CERS3: variants seen among roughly 807,000 people sequenced by gnomAD.
CERS3 encodes the protein ceramide synthase 3.
Under a neutral mutation model 50.3 loss-of-function variants are expected in CERS3, and 33 were observed. That is an observed-to-expected ratio of 0.66 (90% CI 0.50 to 0.88). The LOEUF is 0.88. Ranked by LOEUF, CERS3 falls within the 40% of genes least tolerant of loss-of-function variation. The pLI is 0.00. For synonymous variants in CERS3, 176 were observed against 155.2 expected (o/e 1.13, Z -0.99); for missense variants, 470 against 460.3 (o/e 1.02, Z -0.19).
In CERS3 at chr15:100,473,003, C is replaced by G. The variant is rs2035016929; in HGVS notation, c.659G>C (p.Ser220Thr). Residue 220 changes from serine (S) to threonine (T), a missense_variant, in exon 9 of 12, where the codon AGC becomes ACC. Coordinates refer to ENST00000679737, the MANE Select transcript of CERS3 (RefSeq NM_001378789.1). Reference sequence around the variant, plus strand: ...AATATAATTAGCACACCAAGAGAAGCTCATCAGACTAATAGCAGCCAGGTG... The same window carrying G: ...AATATAATTAGCACACCAAGAGAAGGTCATCAGACTAATAGCAGCCAGGTG... ...IHHLAAISLM[S>T]FSWCANYIRS... 6.2e-7 allele frequency: 1 copy of G among 1,613,874 alleles called. No homozygotes were observed. The highest frequency in any genetic ancestry group is 8.5e-7 in the Non-Finnish European group (1 of 1,179,906).
chr15:100,417,717 C>A (rs542362418), intron 11 of CERS3, among the ~76,000 whole-genome samples: 2 of 151,920 alleles, frequency 1.3e-5, no homozygotes, highest in Non-Finnish European at 2.9e-5. Context: ...GTTCTCCCAG[C>A]ACGCAGCTGG....
intron 10 of CERS3, 68 bp from the exon 11 acceptor site, chr15:100,456,114 C>G (rs557302180): frequency 1.1e-5 from 14 of 1,264,942 alleles, no homozygotes; most frequent in African/African-American, 1.5e-5. Flanking sequence ...AATAATAAAA[C>G]AAATAGTTTT....
intron 11 of CERS3, among the ~76,000 whole-genome samples, chr15:100,445,957 T>C (rs2033917878): frequency 6.6e-6 from 1 of 152,166 alleles, no homozygotes; most frequent in Non-Finnish European, 1.5e-5. Context: ...CTTGTGAAAT[T>C]CCTTCTCCTG....
At chr15:100,430,088 G>A (rs1228125767) in intron 11 of CERS3, among the ~76,000 whole-genome samples, 9 of 152,046 alleles carry the variant, frequency 5.9e-5, no homozygotes, top group East Asian at 5.8e-4. Flanking sequence ...AGAGGTGGGC[G>A]GATCACGAGG....
intron 11 of CERS3, among the ~76,000 whole-genome samples, chr15:100,416,906 G>A (rs886778365): frequency 1.3e-5 from 2 of 152,066 alleles, no homozygotes; most frequent in Admixed American, 6.6e-5. Context: ...ATTAAAAAAC[G>A]GGCAAAAGAC....
intron 11 of CERS3, among the ~76,000 whole-genome samples, chr15:100,415,083 T>C (rs887537956): frequency 2.6e-5 from 4 of 151,790 alleles, no homozygotes; most frequent in Non-Finnish European, 5.9e-5. Context: ...TTAAACAAAT[T>C]TACAAGAAAA....
At chr15:100,451,687 A>T (rs767557625) in intron 11 of CERS3, among the ~76,000 whole-genome samples, 1 of 151,348 alleles carries the variant, frequency 6.6e-6, no homozygotes, top group Non-Finnish European at 1.5e-5. Flanking sequence ...AGCCCGGGTG[A>T]CAGAGCAAGA....
At chr15:100,500,884 C>T (rs2035977366) in intron 3 of CERS3, among the ~76,000 whole-genome samples, 1 of 152,114 alleles carries the variant, frequency 6.6e-6, no homozygotes, top group African/African-American at 2.4e-5. Context: ...TAGTCTTGGA[C>T]AAAATGATCT....
chr15:100,442,772 C>T (rs1035885631), intron 11 of CERS3, among the ~76,000 whole-genome samples: 3 of 152,246 alleles, frequency 2.0e-5, no homozygotes, highest in Non-Finnish European at 1.5e-5. Context: ...CTGACACTGC[C>T]CGATCACCTC....
intron 11 of CERS3, among the ~76,000 whole-genome samples, chr15:100,455,097 T>C (rs1176728482): frequency 6.6e-6 from 1 of 152,130 alleles, no homozygotes; most frequent in African/African-American, 2.4e-5. Context: ...TGAAAGACAC[T>C]GGTGAGAATG....
At chr15:100,532,016 C>A (rs988031289), upstream of CERS3, among the ~76,000 whole-genome samples, 2 of 151,990 alleles carry the variant, frequency 1.3e-5, no homozygotes, top group South Asian at 2.1e-4. Flanking sequence ...GAAGTGTAGA[C>A]CAGAGACAAA....
At chr15:100,435,366 C>G (rs1166216345) in intron 11 of CERS3, among the ~76,000 whole-genome samples, 1 of 152,134 alleles carries the variant, frequency 6.6e-6, no homozygotes, top group East Asian at 1.9e-4. Context: ...TTTGAGGAAA[C>G]AGGGAGTACC....
intron 3 of CERS3, among the ~76,000 whole-genome samples, chr15:100,498,394 G>A (rs2035897454): frequency 6.6e-6 from 1 of 152,124 alleles, no homozygotes; most frequent in African/African-American, 2.4e-5. Flanking sequence ...TTGAACTGAA[G>A]AGATAAGGGA....
At chr15:100,494,237 A>G (rs1567660522) in intron 3 of CERS3, among the ~76,000 whole-genome samples, 2 of 102,846 alleles carry the variant, frequency 1.9e-5, no homozygotes, top group South Asian at 3.3e-4. Flanking sequence ...ATATATATAT[A>G]TATATATATA....
chr15:100,475,957 A>G (rs2035114758), intron 8 of CERS3, 129 bp downstream of exon 8: 1 of 508,124 alleles, frequency 2.0e-6, no homozygotes, highest in Admixed American at 4.3e-5. Flanking sequence ...TATGTACTAT[A>G]AAGCACACAA....
intron 11 of CERS3, among the ~76,000 whole-genome samples, chr15:100,416,556 G>A (rs1418969499): frequency 6.6e-6 from 1 of 152,168 alleles, no homozygotes; most frequent in African/African-American, 2.4e-5. Context: ...ACATGGCTGG[G>A]GAGGCCTCAG....
intron 3 of CERS3, among the ~76,000 whole-genome samples, chr15:100,491,206 A>G (rs2035641375): frequency 6.6e-6 from 1 of 152,210 alleles, no homozygotes; most frequent in African/African-American, 2.4e-5. Flanking sequence ...AATTAGAATA[A>G]GCTGTTCTAC....
At chr15:100,407,628 C>T (rs1440808851) in intron 11 of CERS3, among the ~76,000 whole-genome samples, 1 of 151,982 alleles carries the variant, frequency 6.6e-6, no homozygotes, top group African/African-American at 2.4e-5. Context: ...ACAGTTTGCC[C>T]TCCATATCTG....
rs761591750 is a variant in CERS3, at chr15:100,469,400, G to A, written c.823C>T (p.Arg275Cys). The A allele has an allele frequency of 2.0e-5, 33 of 1,613,650 alleles. No individual in the cohort carries two copies. The highest frequency in any genetic ancestry group is 4.0e-5 in the African/African-American group (3 of 74,866). ...FIFSTIFFIS[R>C]LIVFPFWILY... ...CACCAGAAAGGAAAAACAATGAGGCGGCTGATGAAAAATATGGTGGAGAAG... is the reference window on the plus strand; with the variant it reads ...CACCAGAAAGGAAAAACAATGAGGCAGCTGATGAAAAATATGGTGGAGAAG... The change falls in exon 10 of 12, where the codon CGC (arginine) becomes TGC (cysteine). Residue 275 changes from arginine to cysteine, a missense_variant. Coordinates refer to ENST00000679737, the MANE Select transcript of CERS3 (RefSeq NM_001378789.1).
Sources: gnomAD v4.1 joint callset for allele counts (sites outside exome capture counted in the v4.1 genomes callset) on GRCh38, gnomAD v4.1.1 for gene constraint, MANE v1.5 for transcripts, NCBI Gene and HGNC (gene_info 2026-07-23, HGNC 2026-07-21) for gene names.